Variants in STK32B observed in about 807,000 individuals in gnomAD.
STK32B encodes the protein serine/threonine kinase 32B.
In STK32B, 43 loss-of-function variants were observed where a neutral mutation model predicts 52.6. That is an observed-to-expected ratio of 0.82 (90% confidence interval 0.64 to 1.05). The LOEUF (loss-of-function observed/expected upper bound fraction) is 1.05. Ranked by LOEUF, STK32B falls within the 50% of genes least tolerant of loss-of-function variation. The pLI is 0.00. For synonymous variants in STK32B, 238 were observed against 204.3 expected, an observed-to-expected ratio of 1.17 and a Z score of -1.41; for missense variants, 621 against 534.6, an observed-to-expected ratio of 1.16 and a Z score of -1.59.
Position 5,434,176 on chromosome 4 carries a change from C to A in STK32B, c.563-12497C>A, listed in dbSNP as rs935170914. 3.3e-5 allele frequency among the ~76,000 whole-genome samples: 5 copies of A among 152,246 alleles called. No homozygotes were observed. In the South Asian group the frequency reaches 6.2e-4, roughly 19 times the overall value. ...ATCCATAAAGCATGCACCATGCACC[C>A]CATGCAGTGAAAGACAATGGGCAAG... On this transcript the variant is annotated intron_variant, in intron 6 of 11. Transcript: ENST00000282908.
At chr4:5,054,886 A>G (rs1741938310) in intron 1 of STK32B, among the ~76,000 whole-genome samples, 1 of 152,188 alleles carries the variant, frequency 6.6e-6, no homozygotes, top group African/African-American at 2.4e-5. Context: ...ATTGTGTGCA[A>G]GTGGTCATAG....
chr4:5,318,122 C>T (rs141973787), intron 3 of STK32B, among the ~76,000 whole-genome samples: 85 of 148,736 alleles, frequency 5.7e-4, no homozygotes, highest in African/African-American at 2.1e-3. Context: ...TGTGTGTGCA[C>T]GCTTGTGTGA....
intron 11 of STK32B, among the ~76,000 whole-genome samples, chr4:5,478,102 C>T (rs1011210467): frequency 6.6e-6 from 1 of 152,126 alleles, no homozygotes; most frequent in African/African-American, 2.4e-5. Context: ...CTCTCAACTC[C>T]CCTCTGAAAA....
In STK32B at chr4:5,346,098, C is replaced by T. The variant is rs546777996; in HGVS notation, c.434+14705C>T. Among the ~76,000 whole-genome samples, 27 of 152,288 alleles carry T rather than the reference C, an allele frequency of 1.8e-4. 1 individual carries two copies. In the South Asian group the frequency reaches 5.6e-3, roughly 32 times the overall value. On this transcript the variant is annotated intron_variant, in intron 4 of 11. Transcript: ENST00000282908. ...ATCCTGGAAAGGCAAACTATCTTAA[C>T]TCCTGATATTTTGACAAAATTTTCT...
intron 3 of STK32B, among the ~76,000 whole-genome samples, chr4:5,192,364 C>T (rs1012105352): frequency 6.6e-6 from 1 of 152,104 alleles, no homozygotes; most frequent in African/African-American, 2.4e-5. Context: ...ACTTTTCCAC[C>T]CCAAAGTAAT....
intron 4 of STK32B, among the ~76,000 whole-genome samples, chr4:5,361,697 A>G (rs1734561634): frequency 6.6e-6 from 1 of 152,230 alleles, no homozygotes; most frequent in Non-Finnish European, 1.5e-5. Flanking sequence ...TGTAATAAAG[A>G]GCTTAAACTG....
At chr4:5,260,190 G>C (rs544843539) in intron 3 of STK32B, among the ~76,000 whole-genome samples, 2 of 152,302 alleles carry the variant, frequency 1.3e-5, no homozygotes, top group South Asian at 4.1e-4. Flanking sequence ...AAGGGAGAAA[G>C]CTGCCAAATG....
intron 6 of STK32B, among the ~76,000 whole-genome samples, chr4:5,432,039 T>C (rs557582948): frequency 9.2e-5 from 14 of 152,358 alleles, no homozygotes; most frequent in African/African-American, 3.4e-4. Flanking sequence ...AATAATGAAT[T>C]ACTGTAACAA....
chr4:5,318,612 G>C (rs1731274858), intron 3 of STK32B, among the ~76,000 whole-genome samples: 1 of 152,054 alleles, frequency 6.6e-6, no homozygotes. Context: ...GAATCAGCTA[G>C]ACCCAGAATC....
chr4:5,020,749 A>T, the STK32B span, among the ~76,000 whole-genome samples: 1 of 141,396 alleles, frequency 7.1e-6, no homozygotes, highest in Admixed American at 7.2e-5. Context: ...AAGGGAGAAG[A>T]TTCTTCCTTA....
intron 1 of STK32B, among the ~76,000 whole-genome samples, chr4:5,098,913 GAATATTAGTATCCTATTGCTGCCAT>G (rs1241142461): frequency 1.3e-5 from 2 of 152,198 alleles, no homozygotes; most frequent in Admixed American, 1.3e-4. Flanking sequence ...TGGAAAGAGG[GAATATTAGTATCCTATTGCTGCCAT>G]AACAAACTGC....
At chr4:5,447,962 G>A (rs560710805) in intron 7 of STK32B, among the ~76,000 whole-genome samples, 1 of 152,312 alleles carries the variant, frequency 6.6e-6, no homozygotes, top group Admixed American at 6.5e-5. Context: ...GCATATTCAT[G>A]CCCATAGGAG....
At chr4:5,278,615 C>A (rs1248604766) in intron 3 of STK32B, among the ~76,000 whole-genome samples, 3 of 152,106 alleles carry the variant, frequency 2.0e-5, no homozygotes, top group African/African-American at 7.2e-5. Flanking sequence ...AGGCATATAC[C>A]TCAGAAGTAC....
At chr4:5,155,878 A>C (rs1349787016) in intron 2 of STK32B, among the ~76,000 whole-genome samples, 1 of 152,158 alleles carries the variant, frequency 6.6e-6, no homozygotes, top group Non-Finnish European at 1.5e-5. Context: ...GCAGTGTGAG[A>C]ACAGACTAAT....
chr4:5,312,800 C>A (rs61664668), intron 3 of STK32B, among the ~76,000 whole-genome samples: 12,527 of 151,698 alleles, frequency 0.083, 827 homozygotes, highest in African/African-American at 0.18. Flanking sequence ...GGGTATATAC[C>A]CAGTAATGGG....
At chr4:5,346,648 G>A (rs915828482) in intron 4 of STK32B, among the ~76,000 whole-genome samples, 12 of 152,206 alleles carry the variant, frequency 7.9e-5, no homozygotes, top group East Asian at 1.9e-4. Flanking sequence ...CTCAGAGACC[G>A]TGGGTAAGTC....
intron 3 of STK32B, among the ~76,000 whole-genome samples, chr4:5,279,313 A>G (rs555118639): frequency 2.2e-4 from 34 of 152,300 alleles, no homozygotes; most frequent in African/African-American, 8.2e-4. Flanking sequence ...ACAAAGGGCT[A>G]CAGGCCCCAA....
intron 1 of STK32B, among the ~76,000 whole-genome samples, chr4:5,129,920 T>A (rs1476757393): frequency 6.6e-6 from 1 of 152,176 alleles, no homozygotes; most frequent in African/African-American, 2.4e-5. Flanking sequence ...GCCTATTATA[T>A]GCCAGGCACT....
rs549069406 is a variant in STK32B at position 5,068,975 on chromosome 4, T to C, written c.52+17060T>C. Among the ~76,000 whole-genome samples, 77 of 152,284 alleles carry C rather than the reference T, an allele frequency of 5.1e-4. 1 individual carries two copies. The highest frequency in any genetic ancestry group is 2.2e-3 in the Admixed American group (34 of 15,300). ...AAATTTCCAGTATATAGTATGTTAT[T>C]ATTAACAACGGTCACCAATGATATT... On this transcript the variant is annotated intron_variant, in intron 1 of 11. Transcript: ENST00000282908.
Sources: gnomAD v4.1 joint callset for allele counts (sites outside exome capture counted in the v4.1 genomes callset) on GRCh38, gnomAD v4.1.1 for gene constraint, MANE v1.5 for transcripts, NCBI Gene and HGNC (gene_info 2026-07-23, HGNC 2026-07-21) for gene names.